CNPY3: variants seen among roughly 807,000 people sequenced by gnomAD.
CNPY3 encodes protein canopy homolog 3.
In CNPY3, 20 loss-of-function variants were observed where a neutral mutation model predicts 32.0. The observed-to-expected ratio is 0.63, with a 90% CI of 0.44 to 0.91. The LOEUF is 0.91. Ranked by LOEUF, CNPY3 falls within the 40% of genes least tolerant of loss-of-function variation. CNPY3 has a pLI of 0.00. For missense variants in CNPY3, 299 were observed against 340.8 expected (o/e 0.88, Z 0.97); for synonymous variants, 138 against 142.9 (o/e 0.97, Z 0.24).
At chr6:42,933,475 A>G (rs1767983568) in intron 1 of CNPY3, among the ~76,000 whole-genome samples, 2 of 152,196 alleles carry the variant, frequency 1.3e-5, no homozygotes, top group Admixed American at 6.6e-5. Context: ...TCTGGAGGGC[A>G]TGGAGCAAAT....
rs1768426878 is a variant in CNPY3 at position 42,938,950 on chromosome 6, C to G, written c.*159C>G. 7.0e-7 allele frequency: 1 copy of G among 1,420,516 alleles called. No homozygotes were observed. Among genetic ancestry groups the G allele is most frequent in the South Asian group, 1.6e-5 (1 of 60,654 alleles). 88.0% of individuals were successfully genotyped at this position (1,420,516 alleles called of 1,614,324 possible). A position where few individuals can be genotyped will look rare whatever the true frequency, so the allele number is the denominator to read the frequency against. On this transcript the variant is annotated 3_prime_UTR_variant, in exon 6 of 6. Coordinates refer to ENST00000372836, the MANE Select transcript of CNPY3 (RefSeq NM_006586.5). ...AAAGACACAAGCCCCAGGAAGAACT[C>G]AGAGCCGTCATGGGTAGCCCACGCC...
intron 3 of CNPY3, among the ~76,000 whole-genome samples, chr6:42,936,536 G>T (rs6458312): frequency 0.61 from 92,406 of 151,872 alleles, 29,668 homozygotes; most frequent in African/African-American, 0.83. Flanking sequence ...AGGTTTTTGT[G>T]TGTTTGTTTG....
intron 3 of CNPY3, 22 bp from the exon 4 acceptor site, chr6:42,937,695 C>A: frequency 6.2e-7 from 1 of 1,613,406 alleles, no homozygotes; most frequent in Middle Eastern, 1.7e-4. Flanking sequence ...CTCCGCCTGC[C>A]ATATCTGGTC....
At chr6:42,932,604 G>T (rs1767910093) in intron 1 of CNPY3, among the ~76,000 whole-genome samples, 3 of 152,200 alleles carry the variant, frequency 2.0e-5, no homozygotes, top group African/African-American at 4.8e-5. Context: ...CCACTCCTGG[G>T]GAGGGCGTGG....
chr6:42,929,667 A>G lies in CNPY3; in HGVS notation c.97A>G (p.Ser33Gly), dbSNP rs1181513435. 2 of 1,552,904 alleles carry G rather than the reference A, an allele frequency of 1.3e-6. No homozygotes were observed. The highest frequency in any genetic ancestry group is 1.7e-6 in the Non-Finnish European group (2 of 1,148,396). Residue 33 changes from serine (S) to glycine (G), a missense_variant, in exon 1 of 6, where the codon AGC becomes GGC. By Grantham distance (56) the Ser-to-Gly change is moderately conservative. This residue lies in a region of CNPY3 where 88 missense variants were observed against 62.5 expected (regional missense o/e 1.41). Transcript: ENST00000372836. ...GCTGCCGGCCCCGGAGCTGGGCCCG[A>G]GCCAGGCCGGAGCTGAGGAGAACGA... ...LLLPAPELGP[S>G]QAGAEENDWV...
At chr6:42,931,006 C>T (rs556247336) in intron 1 of CNPY3, among the ~76,000 whole-genome samples, 2 of 150,624 alleles carry the variant, frequency 1.3e-5, no homozygotes, top group Admixed American at 6.6e-5. Context: ...TTTCCTGTCT[C>T]AGCCTCCTGA....
intron 1 of CNPY3, among the ~76,000 whole-genome samples, chr6:42,933,985 A>G (rs925852796): frequency 6.6e-6 from 1 of 152,134 alleles, no homozygotes; most frequent in Non-Finnish European, 1.5e-5. Context: ...AGCCTACCCA[A>G]CAAGATGAAA....
chr6:42,928,464 T>C (rs950020951), upstream of CNPY3, among the ~76,000 whole-genome samples: 1 of 151,144 alleles, frequency 6.6e-6, no homozygotes, highest in Non-Finnish European at 1.5e-5. Context: ...TCTTCTTCTT[T>C]GTTGAGACAG....
At chr6:42,931,012 C>T (rs1767762473) in intron 1 of CNPY3, among the ~76,000 whole-genome samples, 1 of 151,292 alleles carries the variant, frequency 6.6e-6, no homozygotes, top group Non-Finnish European at 1.5e-5. Context: ...GTCTCAGCCT[C>T]CTGAGTAGCT....
At chr6:42,931,210 TC>T (rs1767783430) in intron 1 of CNPY3, among the ~76,000 whole-genome samples, 1 of 148,884 alleles carries the variant, frequency 6.7e-6, no homozygotes, top group Non-Finnish European at 1.5e-5. Context: ...TTTTCGCTCT[TC>T]CTCTAGTCCT....
chr6:42,928,920 C>G (rs760790499), upstream of CNPY3, among the ~76,000 whole-genome samples: 20 of 152,152 alleles, frequency 1.3e-4, no homozygotes, highest in Non-Finnish European at 2.4e-4. Flanking sequence ...GTCATTTGTT[C>G]TAGTTCTCAC....
intron 1 of CNPY3, among the ~76,000 whole-genome samples, chr6:42,930,339 C>G (rs1003608970): frequency 3.3e-5 from 5 of 152,116 alleles, no homozygotes; most frequent in African/African-American, 4.8e-5. Context: ...GATACGTATT[C>G]ACACAGTGTC....
chr6:42,934,437 A>C (rs760025708), intron 1 of CNPY3, 38 bp from the exon 2 acceptor site: 1 of 1,612,780 alleles, frequency 6.2e-7, no homozygotes, highest in Non-Finnish European at 8.5e-7. Context: ...CATTAGACTC[A>C]TGTGCACTCA....
At chr6:42,929,807 A>G in intron 1 of CNPY3, 86 bp downstream of exon 1, 1 of 1,436,384 alleles carries the variant, frequency 7.0e-7, no homozygotes, top group South Asian at 1.3e-5. Context: ...GGGGGTTGCA[A>G]GGTTCCGAGC....
chr6:42,939,104 GC>G lies in CNPY3; in HGVS notation c.*318del. The G allele has an allele frequency of 8.7e-7, 1 of 1,146,134 alleles. No individual in the cohort carries two copies. The allele number at this position is 1,146,134 out of a possible 1,614,324, so 71.0% of individuals were successfully genotyped here. A position where few individuals can be genotyped will look rare whatever the true frequency, so the allele number is the denominator to read the frequency against. On this transcript the variant is annotated 3_prime_UTR_variant, in exon 6 of 6. Transcript: ENST00000372836. ...GTCAGAACTGGGCACCAGGACTGGA[GC>G]CCCCTCCGGAGACCAAACTCACCAT...
chr6:42,937,895 G>A (rs1003871745), intron 4 of CNPY3, 56 bp downstream of exon 4: 9 of 1,608,882 alleles, frequency 5.6e-6, no homozygotes, highest in Admixed American at 3.3e-5. Flanking sequence ...GGCTGGTGGG[G>A]ATTGGGTCTG....
At chr6:42,935,822 C>T in intron 3 of CNPY3, 152 bp downstream of exon 3, 2 of 896,640 alleles carry the variant, frequency 2.2e-6, no homozygotes, top group Non-Finnish European at 3.3e-6. Flanking sequence ...TGCTCCTCCC[C>T]TCTTGAGTGG....
rs927895328 is a variant in CNPY3, at chr6:42,929,506, C to A, written c.-65C>A. 6.1e-6 allele frequency: 9 copies of A among 1,479,840 alleles called. No individual in the cohort carries two copies. The highest frequency in any genetic ancestry group is 1.4e-5 in the African/African-American group (1 of 72,140). 91.7% of individuals were successfully genotyped at this position (1,479,840 alleles called of 1,614,324 possible). ...CAGTCCCGGAAGCGGCGAGGGGAAA[C>A]TGCTCCGCGCGCGCCGCGGGAGGAG... On this transcript the variant is annotated 5_prime_UTR_variant, in exon 1 of 6. In the 5' UTR this introduces an upstream ATG that the reference lacks. Coordinates refer to ENST00000372836, the MANE Select transcript of CNPY3 (RefSeq NM_006586.5).
chr6:42,937,977 A>G (rs953905354), intron 4 of CNPY3, 113 bp from the exon 5 acceptor site: 1 of 1,456,826 alleles, frequency 6.9e-7, no homozygotes, highest in Non-Finnish European at 9.6e-7. Context: ...CAGTTTCCTT[A>G]GGTGAACCGC....
Sources: allele counts gnomAD v4.1 joint callset (sites outside exome capture counted in the v4.1 genomes callset), GRCh38; gene constraint gnomAD v4.1.1; regional missense constraint gnomAD v4.1.1; transcripts MANE v1.5; gene names NCBI Gene and HGNC (gene_info 2026-07-23, HGNC 2026-07-21).